The following RBFOX1 variants were observed in gnomAD, a reference collection of about 807,000 sequenced individuals.
RBFOX1 encodes the protein RNA binding protein fox-1 homolog 1.
A neutral mutation model predicts 57.7 loss-of-function variants in RBFOX1; 8 were observed. The observed-to-expected ratio is 0.14, with a 90% CI of 0.08 to 0.25. The LOEUF (loss-of-function observed/expected upper bound fraction) is 0.25, where lower values mean the gene tolerates loss of function less well. Among genes scored for constraint, RBFOX1 ranks in the 10% least tolerant of loss-of-function variants. The pLI is 1.00. For synonymous variants in RBFOX1, 326 were observed against 222.4 expected, an observed-to-expected ratio of 1.47 and a Z score of -4.15; for missense variants, 611 against 548.5, an observed-to-expected ratio of 1.11 and a Z score of -1.14.
chr16:5,772,370 T>C (rs1355335801), intron 3 of RBFOX1, among the ~76,000 whole-genome samples: 1 of 152,134 alleles, frequency 6.6e-6, no homozygotes, highest in Non-Finnish European at 1.5e-5. Context: ...CCCAAATTCC[T>C]GAGCTCCACT....
rs139110447 is a variant in RBFOX1 at position 6,730,078 on chromosome 16, G to A, written c.-16+75428G>A. Among the ~76,000 whole-genome samples the A allele has an allele frequency of 4.4e-3, 669 of 152,218 alleles. 6 individuals are homozygous for A. The highest frequency in any genetic ancestry group is 0.014 in the African/African-American group (593 of 41,544). On this transcript the variant is annotated intron_variant, in intron 3 of 15. Coordinates refer to ENST00000550418, the MANE Select transcript of RBFOX1 (RefSeq NM_018723.4). The stretch of plus-strand genomic sequence containing the variant: ...GATGTTCTTTATATATTCCCAGGCT[G>A]CCTGTTAGAAAGACATCTCTCCACC...
Position 6,518,663 on chromosome 16 carries a change from C to T in RBFOX1, c.-63-135940C>T, listed in dbSNP as rs1340215281. 3.3e-5 allele frequency among the ~76,000 whole-genome samples: 5 copies of T among 152,222 alleles called. No individual in the cohort carries two copies. The South Asian group carries it at 6.2e-4, about 19-fold the overall frequency. On this transcript the variant is annotated intron_variant, in intron 2 of 15. Transcript: ENST00000550418. The stretch of plus-strand genomic sequence containing the variant: ...CCTAGTGTTTGCCTTAAGGGCCACC[C>T]GGAGTAACTGCCCTTTGAATTTTAT...
At chr16:5,494,321 C>T (rs1444845164) in intron 2 of RBFOX1, among the ~76,000 whole-genome samples, 1 of 152,176 alleles carries the variant, frequency 6.6e-6, no homozygotes, top group Non-Finnish European at 1.5e-5. Context: ...GAGCCAGAGA[C>T]TAGACTTGTG....
At chr16:6,368,905 A>G (rs1296519233) in intron 2 of RBFOX1, among the ~76,000 whole-genome samples, 2 of 152,236 alleles carry the variant, frequency 1.3e-5, no homozygotes, top group African/African-American at 4.8e-5. Flanking sequence ...ACGCAGTGGA[A>G]TACTACAGAG....
At chr16:5,368,293 G>A (rs544833088) in intron 1 of RBFOX1, among the ~76,000 whole-genome samples, 48 of 152,248 alleles carry the variant, frequency 3.2e-4, no homozygotes, top group African/African-American at 1.1e-3. Flanking sequence ...TCATCTCTAG[G>A]TTTTGTTCCT....
chr16:5,366,369 G>A, intron 1 of RBFOX1: 1 of 380,646 alleles, frequency 2.6e-6, no homozygotes, highest in Non-Finnish European at 5.1e-6. Flanking sequence ...GAAAACTGAA[G>A]AAAAGTACCA....
intron 4 of RBFOX1, among the ~76,000 whole-genome samples, chr16:7,196,628 A>G (rs921425229): frequency 6.6e-6 from 1 of 152,224 alleles, no homozygotes; most frequent in Non-Finnish European, 1.5e-5. Context: ...CAATGCCTTC[A>G]AAGAACTTGT....
chr16:5,998,020 G>C (rs2060520544), intron 4 of RBFOX1, among the ~76,000 whole-genome samples: 1 of 152,182 alleles, frequency 6.6e-6, no homozygotes, highest in South Asian at 2.1e-4. Flanking sequence ...TTCAGTTGGT[G>C]CCTCACCAGT....
intron 1 of RBFOX1, among the ~76,000 whole-genome samples, chr16:5,311,077 T>A (rs1222994225): frequency 6.6e-6 from 1 of 152,214 alleles, no homozygotes; most frequent in Non-Finnish European, 1.5e-5. Context: ...CACTTGTAAG[T>A]GAGAACATGC....
chr16:6,494,674 C>G (rs2095716090), intron 2 of RBFOX1, among the ~76,000 whole-genome samples: 1 of 152,194 alleles, frequency 6.6e-6, no homozygotes, highest in Admixed American at 6.5e-5. Context: ...GTGAGTTTCA[C>G]TTCTCTGGCA....
chr16:6,866,110 C>T (rs1372279093), intron 3 of RBFOX1, among the ~76,000 whole-genome samples: 5 of 152,092 alleles, frequency 3.3e-5, no homozygotes, highest in African/African-American at 1.2e-4. Flanking sequence ...TAATTCCCCT[C>T]TCCTTTTCTT....
intron 2 of RBFOX1, among the ~76,000 whole-genome samples, chr16:6,627,635 A>C (rs17721144): frequency 6.6e-6 from 1 of 152,004 alleles, no homozygotes; most frequent in Non-Finnish European, 1.5e-5. Flanking sequence ...AGAATATAAG[A>C]TGTTCTTGAG....
intron 3 of RBFOX1, chr16:5,838,223 A>G (rs927671250): frequency 1.0e-5 from 2 of 200,068 alleles, no homozygotes; most frequent in Non-Finnish European, 2.2e-5. Context: ...TAGGAGATGT[A>G]GCTGCGTGGT....
At chr16:6,271,323 T>C (rs2152674311) in intron 1 of RBFOX1, among the ~76,000 whole-genome samples, 1 of 151,614 alleles carries the variant, frequency 6.6e-6, no homozygotes, top group East Asian at 1.9e-4. Flanking sequence ...ACTGGGGAGG[T>C]TGAGACAGGA....
At chr16:5,412,978 G>A (rs947657321) in intron 1 of RBFOX1, among the ~76,000 whole-genome samples, 1 of 152,212 alleles carries the variant, frequency 6.6e-6, no homozygotes, top group Non-Finnish European at 1.5e-5. Flanking sequence ...GGACGCAGGT[G>A]GGGTGGAGCT....
chr16:6,797,445 G>A (rs761124459), intron 3 of RBFOX1, among the ~76,000 whole-genome samples: 1 of 152,264 alleles, frequency 6.6e-6, no homozygotes, highest in East Asian at 1.9e-4. Flanking sequence ...GCAATAACAT[G>A]AAGATAAAAC....
chr16:7,362,838 A>C (rs1037625676), intron 4 of RBFOX1, among the ~76,000 whole-genome samples: 1 of 152,156 alleles, frequency 6.6e-6, no homozygotes, highest in South Asian at 2.1e-4. Context: ...GGGTCAGAAG[A>C]CAGCATGTAC....
At chr16:6,592,611 A>G (rs911473683) in intron 2 of RBFOX1, among the ~76,000 whole-genome samples, 4 of 152,120 alleles carry the variant, frequency 2.6e-5, no homozygotes, top group African/African-American at 9.7e-5. Flanking sequence ...CTTTGAAGAG[A>G]TATACATATG....
intron 4 of RBFOX1, among the ~76,000 whole-genome samples, chr16:7,168,637 C>T (rs1414502894): frequency 6.6e-6 from 1 of 152,136 alleles, no homozygotes; most frequent in Non-Finnish European, 1.5e-5. Flanking sequence ...ATGTCTTCTG[C>T]ATATTTCACT....
Sources: allele counts gnomAD v4.1 joint callset (sites outside exome capture counted in the v4.1 genomes callset), GRCh38; gene constraint gnomAD v4.1.1; transcripts MANE v1.5; gene names NCBI Gene and HGNC (gene_info 2026-07-23, HGNC 2026-07-21).